DMD: variants seen among roughly 807,000 people sequenced by gnomAD.
The protein encoded by DMD is dystrophin.
Under a neutral mutation model 330.1 loss-of-function variants are expected in DMD, and 63 were observed. The observed-to-expected ratio is 0.19, with a 90% CI of 0.16 to 0.24. The LOEUF is 0.24. Ranked by LOEUF, DMD falls within the 10% of genes least tolerant of loss-of-function variation. The probability of loss-of-function intolerance (pLI) is 1.00; values close to 1 mark genes in which losing one functional copy is unlikely to be tolerated. For missense variants in DMD, 3,344 were observed against 2,684.1 expected (o/e 1.25, Z -5.43); for synonymous variants, 1,223 against 959.8 (o/e 1.27, Z -5.07).
chrX:32,717,097 C>T lies in DMD; in HGVS notation c.650-17804G>A, dbSNP rs376386813. 9.0e-4 allele frequency among the ~76,000 whole-genome samples: 99 copies of T among 110,416 alleles called. 2 individuals are homozygous for T. In the South Asian group the frequency reaches 0.038, roughly 42 times the overall value. ...GGTAGAAAACAAAAGCCTATTTTCT[C>T]GGGGTGGTGGGGGAAATTCAAGCTG... On this transcript the variant is annotated intron_variant, in intron 7 of 78. Transcript: ENST00000357033.
chrX:31,324,783 G>C (rs2056660122), intron 61 of DMD, among the ~76,000 whole-genome samples: 1 of 111,989 alleles, frequency 8.9e-6, no homozygotes, highest in Non-Finnish European at 1.9e-5. Context: ...TCACTCCGCA[G>C]TGTATTGAGA....
At chrX:32,890,969 C>A (rs73464885) in intron 2 of DMD, among the ~76,000 whole-genome samples, 1,841 of 112,027 alleles carry the variant, frequency 0.016, 33 homozygotes, top group African/African-American at 0.056. Flanking sequence ...TATCCTCCAA[C>A]CTTAATGATT....
intron 24 of DMD, 37 bp downstream of exon 24, chrX:32,464,549 A>C: frequency 9.9e-7 from 1 of 1,012,436 alleles, no homozygotes; most frequent in Non-Finnish European, 1.4e-6. Flanking sequence ...ATTCATACAA[A>C]ATTATTCATA....
chrX:32,343,923 C>T (rs1244548511), intron 39 of DMD, among the ~76,000 whole-genome samples: 1 of 112,008 alleles, frequency 8.9e-6, no homozygotes, highest in Non-Finnish European at 1.9e-5. Flanking sequence ...GAGATAAATG[C>T]TTCTCCTTCC....
intron 2 of DMD, among the ~76,000 whole-genome samples, chrX:32,959,996 C>T (rs2091813073): frequency 9.0e-6 from 1 of 111,720 alleles, no homozygotes; most frequent in African/African-American, 3.3e-5. Flanking sequence ...GTCTAGAAAA[C>T]TTCTTAACTG....
chrX:32,469,191 A>G (rs2040362089), intron 22 of DMD, among the ~76,000 whole-genome samples: 2 of 110,410 alleles, frequency 1.8e-5, no homozygotes, highest in Admixed American at 9.8e-5. Flanking sequence ...TTATTCTGTT[A>G]TGTAGTATTA....
chrX:32,745,578 A>G (rs1430126817), intron 7 of DMD, among the ~76,000 whole-genome samples: 1 of 112,569 alleles, frequency 8.9e-6, no homozygotes, highest in Non-Finnish European at 1.9e-5. Flanking sequence ...ACTGCTTGTC[A>G]AACACTCCTT....
At chrX:31,405,692 C>T (rs1255958167) in intron 60 of DMD, among the ~76,000 whole-genome samples, 1 of 111,661 alleles carries the variant, frequency 9.0e-6, no homozygotes, top group Non-Finnish European at 1.9e-5. Flanking sequence ...AGTGAACAAT[C>T]AGCAATAATA....
Position 33,020,102 on chromosome X carries a change from C to G in DMD, c.93+37G>C, listed in dbSNP as rs746695209. 8 of 1,105,100 alleles carry G rather than the reference C, an allele frequency of 7.2e-6. No homozygotes were observed. In the South Asian group the frequency reaches 1.6e-4, roughly 21 times the overall value. 91.1% of individuals were successfully genotyped at this position (1,105,100 alleles called of 1,213,427 possible). ...ATAGTCCATTTTGAAAATTTCACAA[C>G]TTAGATCTTAAAAGTAAAGTAACAA... On this transcript the variant is annotated intron_variant, in intron 2 of 78. Transcript: ENST00000357033.
At chrX:32,176,771 C>T (rs902384302) in intron 44 of DMD, among the ~76,000 whole-genome samples, 3 of 110,968 alleles carry the variant, frequency 2.7e-5, no homozygotes, top group Non-Finnish European at 5.7e-5. Flanking sequence ...CAGTTCATCA[C>T]GGTCACCTTT....
intron 2 of DMD, among the ~76,000 whole-genome samples, chrX:32,937,838 T>A (rs1319673649): frequency 9.0e-6 from 1 of 110,890 alleles, no homozygotes; most frequent in Non-Finnish European, 1.9e-5. Flanking sequence ...TATAGATTTC[T>A]GGAGTAAAAC....
intron 60 of DMD, among the ~76,000 whole-genome samples, chrX:31,361,103 AT>A (rs758116917): frequency 8.1e-5 from 9 of 111,187 alleles, no homozygotes; most frequent in East Asian, 5.6e-4. Flanking sequence ...TTAAAAAAAA[AT>A]AACACAAACA....
At chrX:32,484,833 T>C (rs1023629847) in intron 21 of DMD, 86 bp downstream of exon 21, 34 of 968,694 alleles carry the variant, frequency 3.5e-5, no homozygotes, top group Non-Finnish European at 4.8e-5. Context: ...ACAGAAATTA[T>C]TGTTTCATGT....
intron 10 of DMD, 62 bp from the exon 11 acceptor site, chrX:32,644,375 G>T: frequency 9.0e-7 from 1 of 1,107,553 alleles, no homozygotes; most frequent in Non-Finnish European, 1.2e-6. Flanking sequence ...GTGGTTTTGA[G>T]TTTTATTTGT....
At chrX:33,095,464 G>A (rs1465914973) in intron 1 of DMD, among the ~76,000 whole-genome samples, 2 of 112,082 alleles carry the variant, frequency 1.8e-5, no homozygotes, top group Admixed American at 9.5e-5. Flanking sequence ...AATTTCAAGG[G>A]AACCTAAGAG....
intron 2 of DMD, among the ~76,000 whole-genome samples, chrX:33,004,038 C>A (rs1057405117): frequency 8.9e-6 from 1 of 112,064 alleles, no homozygotes; most frequent in Non-Finnish European, 1.9e-5. Context: ...GCTCCAGATT[C>A]TTGAAGAGAC....
At chrX:31,908,956 G>A (rs1330176030) in intron 47 of DMD, among the ~76,000 whole-genome samples, 3 of 111,791 alleles carry the variant, frequency 2.7e-5, no homozygotes, top group African/African-American at 6.5e-5. Context: ...AAGGGATATC[G>A]GTGGGGCACC....
chrX:33,213,945 C>A (rs1259950967), upstream of DMD, among the ~76,000 whole-genome samples: 1 of 111,383 alleles, frequency 9.0e-6, no homozygotes, highest in East Asian at 2.8e-4. Context: ...CCCTAAATAT[C>A]CCTAAAGCCT....
At chrX:32,553,658 T>C (rs774833973) in intron 16 of DMD, among the ~76,000 whole-genome samples, 12 of 112,348 alleles carry the variant, frequency 1.1e-4, no homozygotes, top group Non-Finnish European at 1.9e-4. Context: ...AGCATATGAC[T>C]GTAGTTGCAA....
Sources: gnomAD v4.1 joint callset for allele counts (sites outside exome capture counted in the v4.1 genomes callset) on GRCh38, gnomAD v4.1.1 for gene constraint, MANE v1.5 for transcripts, NCBI Gene and HGNC (gene_info 2026-07-23, HGNC 2026-07-21) for gene names.